GPD2: variants seen among roughly 807,000 people sequenced by gnomAD.
GPD2 encodes the protein glycerol-3-phosphate dehydrogenase 2.
GPD2 carries 54 observed loss-of-function variants against 82.4 expected under a neutral mutation model. That is an observed-to-expected ratio of 0.66 (90% CI 0.53 to 0.82). The LOEUF (loss-of-function observed/expected upper bound fraction) is 0.82. GPD2 is among the 40% of genes least tolerant of loss of function. The pLI, the probability that GPD2 is intolerant of heterozygous loss-of-function variation, is 0.00. For missense variants in GPD2, 748 were observed against 896.2 expected (o/e 0.83, Z 2.11); for synonymous variants, 288 against 306.1 (o/e 0.94, Z 0.62).
chr2:156,533,890 C>T (rs1282817977), intron 6 of GPD2, among the ~76,000 whole-genome samples: 4 of 152,190 alleles, frequency 2.6e-5, no homozygotes, highest in African/African-American at 2.4e-5. Context: ...CTCCAGCCCA[C>T]GGTAGCGTCT....
chr2:156,568,910 C>T lies in GPD2; in HGVS notation c.1251C>T (p.Ser417=). ...DPKSADTQSI[S]RNHVVDISES... is the part of the protein sequence containing the mutation. ...AATCTGCAGATACTCAGTCTATCTC[C>T]CGAAATCATGTTGTTGATATCAGTG... The change falls in exon 10 of 17, where the codon TCC becomes TCT. Residue 417 remains serine, a synonymous_variant. Transcript: ENST00000438166. 6.2e-7 allele frequency: 1 copy of T among 1,612,018 alleles called. No individual in the cohort carries two copies. The highest frequency in any genetic ancestry group is 1.7e-5 in the Admixed American group (1 of 59,970).
chr2:156,420,864 C>T, the GPD2 span, among the ~76,000 whole-genome samples: 5 of 152,176 alleles, frequency 3.3e-5, no homozygotes, highest in Non-Finnish European at 5.9e-5. Context: ...AGATACAAGG[C>T]TCCTTGCTGC....
intron 6 of GPD2, among the ~76,000 whole-genome samples, chr2:156,538,130 G>A (rs1386384052): frequency 6.6e-6 from 1 of 152,156 alleles, no homozygotes; most frequent in East Asian, 1.9e-4. Flanking sequence ...CTGTTAGGAG[G>A]TAGTGAAATT....
chr2:156,452,533 G>A (rs925312335), intron 1 of GPD2, among the ~76,000 whole-genome samples: 5 of 152,200 alleles, frequency 3.3e-5, no homozygotes, highest in Non-Finnish European at 4.4e-5. Flanking sequence ...GGAGACCATG[G>A]AAAGAGAGGG....
At chr2:156,514,098 G>C (rs1011402510) in intron 6 of GPD2, among the ~76,000 whole-genome samples, 1 of 148,980 alleles carries the variant, frequency 6.7e-6, no homozygotes, top group African/African-American at 2.5e-5. Context: ...ACATTACATA[G>C]TGGCCATTTG....
rs1326699687 is a variant in GPD2 at position 156,493,110 on chromosome 2, T to C, written c.103-2934T>C. Among the ~76,000 whole-genome samples the C allele has an allele frequency of 2.0e-5, 3 of 152,150 alleles. No homozygotes were observed. In the East Asian group the frequency reaches 5.8e-4, roughly 29 times the overall value. ...AGTGATTTGAGGAGAGTGAATTGGA[T>C]AGACCTAAGAGGAAATTTGGTGTTT... On this transcript the variant is annotated intron_variant, in intron 2 of 16. Coordinates refer to ENST00000438166, the MANE Select transcript of GPD2 (RefSeq NM_000408.5).
intron 3 of GPD2, among the ~76,000 whole-genome samples, chr2:156,510,112 GCA>G (rs988326501): frequency 6.6e-5 from 10 of 152,198 alleles, no homozygotes; most frequent in African/African-American, 2.4e-4. Flanking sequence ...TGGTTACTCT[GCA>G]CAGTGTTCAT....
At chr2:156,455,469 T>C (rs976380742) in intron 1 of GPD2, among the ~76,000 whole-genome samples, 12 of 152,244 alleles carry the variant, frequency 7.9e-5, no homozygotes, top group African/African-American at 2.9e-4. Flanking sequence ...GACTCGTATA[T>C]AAGATTTCCA....
At chr2:156,582,339 T>C (rs997028772) in intron 16 of GPD2, among the ~76,000 whole-genome samples, 4 of 151,950 alleles carry the variant, frequency 2.6e-5, no homozygotes, top group African/African-American at 9.7e-5. Flanking sequence ...TTAAGGAATT[T>C]GGATTTAGGG....
intron 6 of GPD2, among the ~76,000 whole-genome samples, chr2:156,534,326 G>A (rs935302196): frequency 6.6e-6 from 1 of 152,164 alleles, no homozygotes; most frequent in South Asian, 2.1e-4. Context: ...AGGAGCCTGG[G>A]GTTTGGGGTT....
intron 1 of GPD2, among the ~76,000 whole-genome samples, chr2:156,458,060 T>C (rs1297263868): frequency 2.0e-5 from 3 of 152,202 alleles, no homozygotes; most frequent in Non-Finnish European, 2.9e-5. Context: ...CTGGGTGTCA[T>C]TGGTGTCATT....
intron 11 of GPD2, 112 bp from the exon 12 acceptor site, chr2:156,569,975 A>G (rs1196926963): frequency 6.5e-6 from 6 of 922,838 alleles, no homozygotes; most frequent in African/African-American, 3.3e-5. Flanking sequence ...TCCGAGAGCT[A>G]TTAGTTACAG....
the GPD2 span, among the ~76,000 whole-genome samples, chr2:156,405,877 G>A: frequency 1.3e-5 from 2 of 152,188 alleles, no homozygotes; most frequent in African/African-American, 4.8e-5. Flanking sequence ...GCGACAGGCA[G>A]GGGTTGTAAG....
At position 156,571,288 on chromosome 2, in the gene GPD2, A is replaced by C; in HGVS notation, c.1763A>C (p.Lys588Thr). ...GAACTGAATTGGGATGATTATAAGA[A>C]GCAGGTATTATATAGAAGTCTTTAA... Reference protein sequence around the residue: ...GRELNWDDYKKQEQLETARKF... With the variant: ...GRELNWDDYKTQEQLETARKF... The change falls in exon 13 of 17, where the codon AAG becomes ACG. Residue 588 changes from lysine (K) to threonine (T), a missense_variant. Coordinates refer to ENST00000438166, the MANE Select transcript of GPD2 (RefSeq NM_000408.5). 1.3e-6 allele frequency: 2 copies of C among 1,599,890 alleles called. No homozygotes were observed. Among genetic ancestry groups the C allele is most frequent in the Non-Finnish European group, 1.7e-6 (2 of 1,171,208 alleles).
At chr2:156,535,564 T>C (rs1573974118) in intron 6 of GPD2, among the ~76,000 whole-genome samples, 1 of 152,168 alleles carries the variant, frequency 6.6e-6, no homozygotes, top group East Asian at 1.9e-4. Flanking sequence ...GATTTTCTTG[T>C]TGTTGTTTTT....
chr2:156,528,605 C>T (rs1375486446), intron 6 of GPD2, among the ~76,000 whole-genome samples: 2 of 114,922 alleles, frequency 1.7e-5, no homozygotes, highest in Non-Finnish European at 3.3e-5. Flanking sequence ...CACCCCACAA[C>T]AGGCCCCAGA....
At chr2:156,406,059 C>A in the GPD2 span, among the ~76,000 whole-genome samples, 2 of 140,954 alleles carry the variant, frequency 1.4e-5, 1 homozygote, top group African/African-American at 5.3e-5. Flanking sequence ...TTTTTTTTTT[C>A]ACCTGTGAGT....
At chr2:156,482,327 G>A in intron 2 of GPD2, among the ~76,000 whole-genome samples, 1 of 152,068 alleles carries the variant, frequency 6.6e-6, no homozygotes, top group South Asian at 2.1e-4. Context: ...ACCAATTGTT[G>A]ACTTAACCTC....
At chr2:156,522,786 C>G (rs1278532049) in intron 6 of GPD2, among the ~76,000 whole-genome samples, 2 of 151,222 alleles carry the variant, frequency 1.3e-5, no homozygotes, top group Non-Finnish European at 2.9e-5. Context: ...GGAATCATAG[C>G]TAAAAATCTA....
Sources: gnomAD v4.1 joint callset for allele counts (sites outside exome capture counted in the v4.1 genomes callset) on GRCh38, gnomAD v4.1.1 for gene constraint, MANE v1.5 for transcripts, NCBI Gene and HGNC (gene_info 2026-07-23, HGNC 2026-07-21) for gene names.